The following IL6ST variants were observed in gnomAD, a reference collection of about 807,000 sequenced individuals.
IL6ST encodes the protein interleukin 6 cytokine family signal transducer.
A neutral mutation model predicts 91.3 loss-of-function variants in IL6ST; 24 were observed. That is an observed-to-expected ratio of 0.26 (90% CI 0.19 to 0.37). The LOEUF (loss-of-function observed/expected upper bound fraction) is 0.37. Among genes scored for constraint, IL6ST ranks in the 10% least tolerant of loss-of-function variants. The probability of loss-of-function intolerance (pLI) is 1.00; values close to 1 mark genes in which losing one functional copy is unlikely to be tolerated. For synonymous variants in IL6ST, 351 were observed against 373.6 expected (o/e 0.94, Z 0.70); for missense variants, 914 against 1,078.5 (o/e 0.85, Z 2.14).
In IL6ST at chr5:55,938,711, A is replaced by G. The variant is rs1750687872; in HGVS notation, c.*2371T>C. 2 of 200,594 alleles carry G rather than the reference A, an allele frequency of 1.0e-5. No homozygotes were observed. Among genetic ancestry groups the G allele is most frequent in the Middle Eastern group, 1.7e-3 (1 of 576 alleles). The allele number at this position is 200,594 out of a possible 1,614,324, so 12.4% of individuals were successfully genotyped here. On this transcript the variant is annotated 3_prime_UTR_variant, in exon 17 of 17. Coordinates refer to ENST00000381298, the MANE Select transcript of IL6ST (RefSeq NM_002184.4). ...ACAATTTACATGCATCAACACATAG[A>G]TTATTCTAAGACATGCTTGGGAAAG...
In IL6ST at chr5:55,936,973, T is replaced by A. The variant is rs1413884927; in HGVS notation, c.*4109A>T. 1 of 200,664 alleles carries A rather than the reference T, an allele frequency of 5.0e-6. No individual in the cohort carries two copies. Among genetic ancestry groups the A allele is most frequent in the African/African-American group, 2.3e-5 (1 of 43,578 alleles). The allele number at this position is 200,664 out of a possible 1,614,324, so 12.4% of individuals were successfully genotyped here. Reference sequence around the variant, plus strand: ...CCTACTAGCAAATTGCACATTTATTTTTAGAGTATATTCAATACACATACA... The same window carrying A: ...CCTACTAGCAAATTGCACATTTATTATTAGAGTATATTCAATACACATACA... On this transcript the variant is annotated 3_prime_UTR_variant, in exon 17 of 17. Transcript: ENST00000381298.
chr5:55,939,360 AAAG>A lies in IL6ST; in HGVS notation c.*1719_*1721del, dbSNP rs77972161. ...AGAATGAAACATCTATTTTTTTCATAAAGAAGATCATATAATATGTGAAAGAAC... is the reference window on the plus strand; with the variant it reads ...AGAATGAAACATCTATTTTTTTCATAAAGATCATATAATATGTGAAAGAAC... On this transcript the variant is annotated 3_prime_UTR_variant, in exon 17 of 17. Coordinates refer to ENST00000381298, the MANE Select transcript of IL6ST (RefSeq NM_002184.4). 4,984 of 200,836 alleles carry A rather than the reference AAAG, an allele frequency of 0.025. 141 individuals are homozygous for A. Among genetic ancestry groups the A allele is most frequent in the African/African-American group, 0.069 (2,986 of 43,578 alleles). 12.4% of individuals were successfully genotyped at this position (200,836 alleles called of 1,614,324 possible). A position where few individuals can be genotyped will look rare whatever the true frequency, so the allele number is the denominator to read the frequency against.
rs1326876836 is a variant in IL6ST, at chr5:55,947,583, C to G, written c.1847G>C (p.Gly616Ala). ...AGGCACGACTATGGCTTCAATTTCT[C>G]CTTGAGCTTAAAAAAAAAAAAAAAA... ...FTFTTPKFAQ[G>A]EIEAIVVPVC... Residue 616 changes from glycine (G) to alanine (A), a missense_variant, in exon 15 of 17, where the codon GGA (glycine) becomes GCA (alanine). Transcript: ENST00000381298. The G allele has an allele frequency of 1.5e-5, 14 of 944,892 alleles. No individual in the cohort carries two copies. Among genetic ancestry groups the G allele is most frequent in the Non-Finnish European group, 2.0e-5 (13 of 638,798 alleles). 58.5% of individuals were successfully genotyped at this position (944,892 alleles called of 1,614,324 possible).
In IL6ST at chr5:55,936,105, T is replaced by A; in HGVS notation, c.*4977A>T. 1 of 228,728 alleles carries A rather than the reference T, an allele frequency of 4.4e-6. No homozygotes were observed. The highest frequency in any genetic ancestry group is 2.2e-5 in the African/African-American group (1 of 45,208). The allele number at this position is 228,728 out of a possible 1,614,324, so 14.2% of individuals were successfully genotyped here. ...TACATTTTTTTAGACAAAATCACAA[T>A]GTGAAGGCACATTAATAGTTGAGAT... On this transcript the variant is annotated 3_prime_UTR_variant, in exon 17 of 17. Transcript: ENST00000381298.
At chr5:55,979,918 G>C (rs982487844) in intron 2 of IL6ST, among the ~76,000 whole-genome samples, 1 of 152,152 alleles carries the variant, frequency 6.6e-6, no homozygotes, top group Non-Finnish European at 1.5e-5. Context: ...CCAAAACCAT[G>C]TAAATGTAAA....
chr5:55,987,155 A>C (rs1005178556), intron 1 of IL6ST, among the ~76,000 whole-genome samples: 1 of 152,184 alleles, frequency 6.6e-6, no homozygotes, highest in Non-Finnish European at 1.5e-5. Context: ...ACAGAGTGAG[A>C]CTGGCACATA....
chr5:55,957,473 T>C (rs919068192), intron 8 of IL6ST, among the ~76,000 whole-genome samples, 182 bp from the exon 9 acceptor site: 3 of 152,212 alleles, frequency 2.0e-5, no homozygotes, highest in African/African-American at 7.2e-5. Context: ...TTAGTCAGGG[T>C]GATAGCCTGA....
intron 15 of IL6ST, among the ~76,000 whole-genome samples, chr5:55,946,711 A>G (rs1299826872): frequency 6.6e-6 from 1 of 151,716 alleles, no homozygotes; most frequent in Non-Finnish European, 1.5e-5. Flanking sequence ...CAGTTACTCA[A>G]GAGGCTGAGG....
At chr5:55,948,333 G>C (rs956962584) in intron 14 of IL6ST, among the ~76,000 whole-genome samples, 3 of 152,090 alleles carry the variant, frequency 2.0e-5, no homozygotes, top group Non-Finnish European at 1.5e-5. Flanking sequence ...GATTAATTTT[G>C]AATTTTACTT....
chr5:55,987,051 G>C (rs1754015669), intron 1 of IL6ST, among the ~76,000 whole-genome samples: 2 of 152,152 alleles, frequency 1.3e-5, no homozygotes, highest in Non-Finnish European at 2.9e-5. Flanking sequence ...TGTTGTCCCA[G>C]CTACTCAGGA....
intron 2 of IL6ST, among the ~76,000 whole-genome samples, chr5:55,981,378 C>T (rs539568685): frequency 6.6e-6 from 1 of 152,262 alleles, no homozygotes; most frequent in South Asian, 2.1e-4. Flanking sequence ...GGTGCGGTGG[C>T]TCATGCCTGT....
chr5:55,970,374 AAT>A (rs1752892272), intron 3 of IL6ST, among the ~76,000 whole-genome samples: 1 of 152,196 alleles, frequency 6.6e-6, no homozygotes, highest in Non-Finnish European at 1.5e-5. Flanking sequence ...AAGATGGCCA[AAT>A]AGTTTAGTTT....
intron 3 of IL6ST, among the ~76,000 whole-genome samples, chr5:55,975,802 C>T (rs543675355): frequency 8.6e-5 from 13 of 151,786 alleles, no homozygotes; most frequent in Admixed American, 2.6e-4. Context: ...CAAGGACTTA[C>T]AGACACAGGA....
At chr5:55,952,952 T>C (rs1218465880) in intron 11 of IL6ST, among the ~76,000 whole-genome samples, 1 of 151,964 alleles carries the variant, frequency 6.6e-6, no homozygotes, top group African/African-American at 2.4e-5. Context: ...TCCCAGATGC[T>C]TGGGAGGCTG....
intron 14 of IL6ST, among the ~76,000 whole-genome samples, chr5:55,948,519 C>T (rs930608067): frequency 2.0e-5 from 3 of 151,638 alleles, no homozygotes; most frequent in Non-Finnish European, 4.4e-5. Flanking sequence ...CAAATATTAA[C>T]TCTTAAATGC....
At chr5:55,957,183 G>T in intron 9 of IL6ST, 26 bp downstream of exon 9, 9 of 1,120,246 alleles carry the variant, frequency 8.0e-6, no homozygotes, top group Non-Finnish European at 1.2e-5. Flanking sequence ...ATTTATAAGA[G>T]ATAAAATATA....
intron 2 of IL6ST, among the ~76,000 whole-genome samples, chr5:55,977,990 T>C (rs1203012858): frequency 3.3e-5 from 5 of 151,526 alleles, no homozygotes; most frequent in Non-Finnish European, 7.4e-5. Context: ...CAAAGCGAAA[T>C]TCTATTTAAA....
At chr5:55,950,065 C>G in intron 14 of IL6ST, 1 of 348,834 alleles carries the variant, frequency 2.9e-6, no homozygotes, top group Non-Finnish European at 5.8e-6. Flanking sequence ...TGAAAGGGTA[C>G]GCACAATCAA....
At chr5:55,973,050 G>A (rs193235647) in intron 3 of IL6ST, among the ~76,000 whole-genome samples, 4 of 150,996 alleles carry the variant, frequency 2.6e-5, no homozygotes, top group East Asian at 1.9e-4. Flanking sequence ...TACTATAACC[G>A]ATATTACAAT....
Sources: allele counts gnomAD v4.1 joint callset (sites outside exome capture counted in the v4.1 genomes callset), GRCh38; gene constraint gnomAD v4.1.1; transcripts MANE v1.5; gene names NCBI Gene and HGNC (gene_info 2026-07-23, HGNC 2026-07-21).